The following PTBP3 variants were observed in gnomAD, a reference collection of about 807,000 sequenced individuals.
PTBP3 encodes polypyrimidine tract binding protein 3.
In PTBP3, 20 loss-of-function variants were observed where a neutral mutation model predicts 58.7. The ratio of observed to expected loss-of-function variants is 0.34; its 90% CI spans 0.24 to 0.50. The LOEUF is 0.50. Ranked by LOEUF, PTBP3 falls within the 20% of genes least tolerant of loss-of-function variation. The probability of loss-of-function intolerance (pLI) is 0.98; values close to 1 mark genes in which losing one functional copy is unlikely to be tolerated. For missense variants in PTBP3, 509 were observed against 637.2 expected, an observed-to-expected ratio of 0.80 and a Z score of 2.17; for synonymous variants, 185 against 219.8, an observed-to-expected ratio of 0.84 and a Z score of 1.40.
At chr9:112,259,426 T>G (rs1254982475) in intron 5 of PTBP3, among the ~76,000 whole-genome samples, 5 of 152,212 alleles carry the variant, frequency 3.3e-5, no homozygotes, top group African/African-American at 4.8e-5. Flanking sequence ...TCTTACTCTC[T>G]CTATTCCAGT....
intron 3 of PTBP3, chr9:112,272,644 A>C (rs984318444): frequency 6.6e-6 from 1 of 152,114 alleles, no homozygotes; most frequent in African/African-American, 2.4e-5. Flanking sequence ...CACAGGCACG[A>C]TCCCACTACT....
At chr9:112,341,064 T>A in the PTBP3 span, among the ~76,000 whole-genome samples, 1 of 152,146 alleles carries the variant, frequency 6.6e-6, no homozygotes, top group Admixed American at 6.6e-5. Flanking sequence ...TGTTTTTGTT[T>A]TGGTTTGGAT....
In PTBP3 at chr9:112,223,732, T is replaced by A; in HGVS notation, c.*119A>T. On this transcript the variant is annotated 3_prime_UTR_variant, in exon 14 of 14. Coordinates refer to ENST00000374257, the MANE Select transcript of PTBP3 (RefSeq NM_001163788.4). ...CCTTGATTTTTAAAATATACTTGAATATCAAACTCAGAGTTATTTTTGTGA... is the reference window on the plus strand; with the variant it reads ...CCTTGATTTTTAAAATATACTTGAAAATCAAACTCAGAGTTATTTTTGTGA... The A allele has an allele frequency of 7.5e-7, 1 of 1,338,528 alleles. No individual in the cohort carries two copies. The highest frequency in any genetic ancestry group is 9.4e-7 in the Non-Finnish European group (1 of 1,058,842). 82.9% of individuals were successfully genotyped at this position (1,338,528 alleles called of 1,614,324 possible). A position where few individuals can be genotyped will look rare whatever the true frequency, so the allele number is the denominator to read the frequency against.
intron 1 of PTBP3, 78 bp from the exon 2 acceptor site, chr9:112,297,994 T>A: frequency 2.6e-6 from 3 of 1,153,286 alleles, no homozygotes; most frequent in Non-Finnish European, 3.8e-6. Flanking sequence ...TATTAAAAGC[T>A]AATAATATTA....
At chr9:112,366,892 C>G in the PTBP3 span, among the ~76,000 whole-genome samples, 9 of 152,150 alleles carry the variant, frequency 5.9e-5, no homozygotes, top group Admixed American at 5.9e-4. Flanking sequence ...AGGAGGGGGG[C>G]TATACCCTGT....
intron 1 of PTBP3, among the ~76,000 whole-genome samples, chr9:112,315,245 T>C (rs769933846): frequency 8.0e-5 from 12 of 150,246 alleles, no homozygotes; most frequent in Non-Finnish European, 1.3e-4. Context: ...TCTGGATACA[T>C]AAAGGGACCG....
intron 8 of PTBP3, among the ~76,000 whole-genome samples, chr9:112,233,678 C>T (rs1453467859): frequency 1.3e-5 from 2 of 152,086 alleles, no homozygotes; most frequent in African/African-American, 4.8e-5. Context: ...ACCCTTTAAT[C>T]CCAGCACTTT....
intron 7 of PTBP3, chr9:112,242,414 T>G (rs71503515): frequency 0.85 from 128,680 of 151,848 alleles, 54,949 homozygotes; most frequent in African/African-American, 0.95. Flanking sequence ...CTAAAATAAT[T>G]TACAATATGT....
chr9:112,372,758 A>G, the PTBP3 span, among the ~76,000 whole-genome samples: 1 of 152,192 alleles, frequency 6.6e-6, no homozygotes, highest in African/African-American at 2.4e-5. Flanking sequence ...TCCTTTTTAT[A>G]GCTGAATCAT....
intron 1 of PTBP3, among the ~76,000 whole-genome samples, chr9:112,311,465 G>A (rs969029307): frequency 2.7e-4 from 41 of 152,164 alleles, no homozygotes; most frequent in Non-Finnish European, 1.2e-4. Context: ...TGAACAACAT[G>A]AGTGAGTTTG....
At chr9:112,283,070 C>G (rs1473937422) in intron 2 of PTBP3, among the ~76,000 whole-genome samples, 3 of 152,216 alleles carry the variant, frequency 2.0e-5, no homozygotes, top group Admixed American at 6.5e-5. Context: ...TTTCCTGAGG[C>G]CTCGCCTGCC....
At chr9:112,358,097 C>T in the PTBP3 span, among the ~76,000 whole-genome samples, 2 of 152,056 alleles carry the variant, frequency 1.3e-5, no homozygotes, top group Non-Finnish European at 2.9e-5. Flanking sequence ...CATCTGAGGT[C>T]GGGAGTTCAA....
Position 112,223,577 on chromosome 9 carries a change from T to C in PTBP3, c.*274A>G. ...TTCAAATCTAATTTAATATAGGGAA[T>C]AAGATTATTGAAAAAAAATTTTTTT... On this transcript the variant is annotated 3_prime_UTR_variant, in exon 14 of 14. Coordinates refer to ENST00000374257, the MANE Select transcript of PTBP3 (RefSeq NM_001163788.4). The C allele has an allele frequency of 9.1e-7, 1 of 1,095,786 alleles. No individual in the cohort carries two copies. The highest frequency in any genetic ancestry group is 2.4e-5 in the South Asian group (1 of 41,292). The allele number at this position is 1,095,786 out of a possible 1,614,324, so 67.9% of individuals were successfully genotyped here.
intron 1 of PTBP3, among the ~76,000 whole-genome samples, chr9:112,301,447 T>C (rs548804224): frequency 3.1e-4 from 19 of 61,284 alleles, no homozygotes; most frequent in African/African-American, 1.6e-3. Flanking sequence ...TGGTGTTTTC[T>C]GAAAAAAAGA....
At chr9:112,360,722 A>G in the PTBP3 span, among the ~76,000 whole-genome samples, 912 of 152,338 alleles carry the variant, frequency 6.0e-3, 12 homozygotes, top group African/African-American at 0.021. Context: ...AATACGACTA[A>G]CAGTAGGTTA....
chr9:112,290,709 C>CACACACACAA (rs1554799458), intron 2 of PTBP3, among the ~76,000 whole-genome samples: 1 of 131,632 alleles, frequency 7.6e-6, no homozygotes, highest in African/African-American at 2.8e-5. Flanking sequence ...TATATATATA[C>CACACACACAA]ACACACACAC....
chr9:112,292,126 A>G (rs1274116084), intron 2 of PTBP3, among the ~76,000 whole-genome samples: 1 of 152,230 alleles, frequency 6.6e-6, no homozygotes, highest in Non-Finnish European at 1.5e-5. Flanking sequence ...AAGGACTTGA[A>G]TAGACATTTC....
rs1365752334 is a variant in PTBP3, at chr9:112,297,908, A to T, written c.-43T>A. ...TGATGCCAGAAGAAAGAAGCTCATC[A>T]GATCCCCGCTGAAAAGCAAAACCAA... On this transcript the variant is annotated 5_prime_UTR_variant, in exon 2 of 14. An upstream open reading frame in the 5' UTR loses its in-frame stop. Coordinates refer to ENST00000374257, the MANE Select transcript of PTBP3 (RefSeq NM_001163788.4). 18 of 1,612,202 alleles carry T rather than the reference A, an allele frequency of 1.1e-5. No homozygotes were observed. Among genetic ancestry groups the T allele is most frequent in the Non-Finnish European group, 1.4e-5 (16 of 1,179,254 alleles).
At chr9:112,251,885 G>T (rs917204849) in intron 6 of PTBP3, among the ~76,000 whole-genome samples, 1 of 151,978 alleles carries the variant, frequency 6.6e-6, no homozygotes, top group South Asian at 2.1e-4. Context: ...CATGTTCAGG[G>T]TACAGCAAAT....
Sources: allele counts gnomAD v4.1 joint callset (sites outside exome capture counted in the v4.1 genomes callset), GRCh38; gene constraint gnomAD v4.1.1; transcripts MANE v1.5; gene names NCBI Gene and HGNC (gene_info 2026-07-23, HGNC 2026-07-21).